The following ROBO2 variants were observed in gnomAD, a reference collection of about 807,000 sequenced individuals.
The protein encoded by ROBO2 is roundabout homolog 2.
A neutral mutation model predicts 160.8 loss-of-function variants in ROBO2; 53 were observed. The observed-to-expected ratio is 0.33, with a 90% CI of 0.26 to 0.41. ROBO2 has a LOEUF of 0.41. Among genes scored for constraint, ROBO2 ranks in the 10% least tolerant of loss-of-function variants. ROBO2 has a pLI of 1.00. For missense variants in ROBO2, 1,577 were observed against 1,722.4 expected (o/e 0.92, Z 1.49); for synonymous variants, 664 against 611.7 (o/e 1.09, Z -1.26).
At chr3:77,180,432 GTAT>G (rs1365973757) in intron 2 of ROBO2, among the ~76,000 whole-genome samples, 2 of 97,518 alleles carry the variant, frequency 2.1e-5, no homozygotes, top group Admixed American at 1.1e-4. Flanking sequence ...ATATATATAT[GTAT>G]TTTTTTTTTT....
chr3:76,683,640 A>G (rs1449684710), intron 2 of ROBO2, among the ~76,000 whole-genome samples: 1 of 152,142 alleles, frequency 6.6e-6, no homozygotes, highest in Non-Finnish European at 1.5e-5. Flanking sequence ...TGAGACATAT[A>G]TTTGAAATAG....
intron 2 of ROBO2, among the ~76,000 whole-genome samples, chr3:76,992,362 TATATATA>T (rs1559812260): frequency 0.058 from 3,946 of 68,620 alleles, 125 homozygotes; most frequent in African/African-American, 0.1. Context: ...TATATATATA[TATATATA>T]AATTTAGCTT....
chr3:76,528,161 C>T (rs1278976493), intron 2 of ROBO2, among the ~76,000 whole-genome samples: 1 of 152,118 alleles, frequency 6.6e-6, no homozygotes, highest in Non-Finnish European at 1.5e-5. Context: ...GTCCAAGTCA[C>T]TGGAAATAGG....
At chr3:76,272,641 C>T (rs1032251273) in intron 2 of ROBO2, among the ~76,000 whole-genome samples, 7 of 81,990 alleles carry the variant, frequency 8.5e-5, no homozygotes, top group South Asian at 8.1e-4. Context: ...CCAGCCTGGG[C>T]GAAAGAGCGA....
chr3:77,433,604 C>A (rs985171132), intron 2 of ROBO2, among the ~76,000 whole-genome samples: 1 of 150,256 alleles, frequency 6.7e-6, no homozygotes, highest in Admixed American at 6.7e-5. Flanking sequence ...TATTTTCTCC[C>A]TAGACAATCA....
chr3:77,519,768 C>T (rs936097521), intron 5 of ROBO2, among the ~76,000 whole-genome samples: 1 of 150,962 alleles, frequency 6.6e-6, no homozygotes, highest in South Asian at 2.1e-4. Flanking sequence ...TTTGGTAAAA[C>T]GATTTATTTT....
chr3:77,570,391 A>G (rs966893399), intron 13 of ROBO2, among the ~76,000 whole-genome samples: 6 of 151,956 alleles, frequency 3.9e-5, no homozygotes, highest in African/African-American at 1.4e-4. Context: ...TAGTTTGCAC[A>G]TCTATCCCCG....
chr3:76,393,070 G>C (rs976327928), intron 2 of ROBO2, among the ~76,000 whole-genome samples: 18 of 152,120 alleles, frequency 1.2e-4, no homozygotes, highest in African/African-American at 4.1e-4. Flanking sequence ...TATCAAACAG[G>C]TGACAGCTAT....
At chr3:76,799,716 G>A (rs368099670) in intron 2 of ROBO2, among the ~76,000 whole-genome samples, 1 of 152,020 alleles carries the variant, frequency 6.6e-6, no homozygotes, top group East Asian at 1.9e-4. Flanking sequence ...GCAAGAAATA[G>A]AAATGTTCAC....
chr3:76,741,060 T>A (rs985225602), intron 2 of ROBO2, among the ~76,000 whole-genome samples: 1 of 152,058 alleles, frequency 6.6e-6, no homozygotes, highest in African/African-American at 2.4e-5. Flanking sequence ...TAATCTTTTC[T>A]AGCTGGTTCT....
At chr3:76,508,090 C>T (rs2107714759) in intron 2 of ROBO2, among the ~76,000 whole-genome samples, 1 of 152,260 alleles carries the variant, frequency 6.6e-6, no homozygotes, top group South Asian at 2.1e-4. Context: ...GATACCTACA[C>T]AATTTCAAGT....
chr3:76,231,728 G>A (rs1162237998), intron 2 of ROBO2, among the ~76,000 whole-genome samples: 1 of 152,164 alleles, frequency 6.6e-6, no homozygotes, highest in Non-Finnish European at 1.5e-5. Context: ...TAAGAAACAA[G>A]GATGAAGCAA....
At chr3:76,251,694 A>G (rs1036290494) in intron 2 of ROBO2, among the ~76,000 whole-genome samples, 2 of 152,140 alleles carry the variant, frequency 1.3e-5, no homozygotes, top group Admixed American at 6.6e-5. Flanking sequence ...AAATTAAAAG[A>G]AACAGTCAAA....
chr3:77,017,893 C>A (rs577500849), intron 2 of ROBO2, among the ~76,000 whole-genome samples: 3 of 152,168 alleles, frequency 2.0e-5, no homozygotes, highest in Admixed American at 2.0e-4. Context: ...TTTTTGCAAT[C>A]AGACCTTGGC....
At chr3:76,948,896 ATATATATATATATTTTT>A (rs1307927575) in intron 2 of ROBO2, among the ~76,000 whole-genome samples, 86 of 28,246 alleles carry the variant, frequency 3.0e-3, no homozygotes, top group African/African-American at 0.012. Flanking sequence ...ATATATATAT[ATATATATATATATTTTT>A]TTTTTTTTTT....
chr3:77,524,151 C>A (rs2153629282), intron 6 of ROBO2, among the ~76,000 whole-genome samples: 1 of 151,306 alleles, frequency 6.6e-6, no homozygotes, highest in South Asian at 2.1e-4. Context: ...TCCATTTTTT[C>A]TTCTGTAGAT....
At chr3:76,862,493 A>G (rs991240786) in intron 2 of ROBO2, among the ~76,000 whole-genome samples, 2 of 152,182 alleles carry the variant, frequency 1.3e-5, no homozygotes, top group African/African-American at 4.8e-5. Flanking sequence ...GCAAGGTTTA[A>G]TGAAGAAGGA....
At chr3:76,721,027 A>T (rs1028938645) in intron 2 of ROBO2, among the ~76,000 whole-genome samples, 23 of 152,188 alleles carry the variant, frequency 1.5e-4, no homozygotes, top group African/African-American at 5.3e-4. Context: ...TCTGGCATAA[A>T]TTCTTAAACA....
chr3:76,051,669 A>G (rs1196931101), intron 2 of ROBO2, among the ~76,000 whole-genome samples: 3 of 152,138 alleles, frequency 2.0e-5, no homozygotes, highest in Non-Finnish European at 4.4e-5. Flanking sequence ...AGCAAAGAAA[A>G]TAAAATAAAA....
Sources: allele counts gnomAD v4.1 joint callset (sites outside exome capture counted in the v4.1 genomes callset), GRCh38; gene constraint gnomAD v4.1.1; transcripts MANE v1.5; gene names NCBI Gene and HGNC (gene_info 2026-07-23, HGNC 2026-07-21).